CCDC174: variants seen among roughly 807,000 people sequenced by gnomAD.
CCDC174 encodes coiled-coil domain containing 174.
A neutral mutation model predicts 57.1 loss-of-function variants in CCDC174; 37 were observed. That is an observed-to-expected ratio of 0.65 (90% CI 0.50 to 0.85). The LOEUF is 0.85. CCDC174 is among the 40% of genes least tolerant of loss of function. The pLI is 0.00. For missense variants in CCDC174, 540 were observed against 574.3 expected (o/e 0.94, Z 0.61); for synonymous variants, 182 against 190.2 (o/e 0.96, Z 0.35).
intron 4 of CCDC174, among the ~76,000 whole-genome samples, chr3:14,660,152 T>C (rs2031081911): frequency 6.6e-6 from 1 of 152,390 alleles, no homozygotes; most frequent in East Asian, 1.9e-4. Flanking sequence ...CTCACTAGCC[T>C]ATGGCCTTAT....
At chr3:14,666,259 A>G (rs57645464) in intron 6 of CCDC174, among the ~76,000 whole-genome samples, 177 of 152,166 alleles carry the variant, frequency 1.2e-3, no homozygotes, top group African/African-American at 3.6e-3. Flanking sequence ...GTGGAAGGAA[A>G]GTTTTTTGTC....
chr3:14,662,051 C>T (rs1459320616), intron 5 of CCDC174, among the ~76,000 whole-genome samples: 1 of 152,218 alleles, frequency 6.6e-6, no homozygotes, highest in Non-Finnish European at 1.5e-5. Context: ...GAGCGCCTTC[C>T]TTTTGTACCT....
chr3:14,661,441 G>A (rs1421197032), intron 4 of CCDC174, 89 bp from the exon 5 acceptor site: 2 of 1,117,640 alleles, frequency 1.8e-6, no homozygotes, highest in Non-Finnish European at 2.6e-6. Flanking sequence ...GGGGTGATGG[G>A]GCCACCAGGC....
At chr3:14,664,757 C>T (rs993865127) in intron 5 of CCDC174, among the ~76,000 whole-genome samples, 10 of 152,152 alleles carry the variant, frequency 6.6e-5, no homozygotes, top group Non-Finnish European at 8.8e-5. Flanking sequence ...AGCAAAATTC[C>T]GTGTGGGTGA....
At position 14,669,940 on chromosome 3, in the gene CCDC174, A is replaced by T; in HGVS notation, c.959A>T (p.Asp320Val). The T allele has an allele frequency of 1.2e-6, 2 of 1,613,594 alleles. No homozygotes were observed. Among genetic ancestry groups the T allele is most frequent in the Non-Finnish European group, 1.7e-6 (2 of 1,179,856 alleles). Residue 320 changes from aspartate to valine, a missense_variant, in exon 10 of 11, where the codon GAT (aspartate) becomes GTT (valine). Transcript: ENST00000383794. Reference protein sequence around the residue: ...GGTEEENRDGDVIGPLPPEPE... With the variant: ...GGTEEENRDGVVIGPLPPEPE... ...ATTCTTTTACAAAAAATAGATGGAG[A>T]TGTTATTGGGCCTTTGCCACCGGAG...
intron 5 of CCDC174, chr3:14,661,945 C>T (rs1202402452): frequency 2.3e-6 from 1 of 429,042 alleles, no homozygotes; most frequent in African/African-American, 2.0e-5. Flanking sequence ...ACTGACTGGG[C>T]TTCTGCTGTG....
intron 1 of CCDC174, among the ~76,000 whole-genome samples, chr3:14,652,084 T>C (rs921570909): frequency 6.6e-6 from 1 of 152,176 alleles, no homozygotes; most frequent in African/African-American, 2.4e-5. Flanking sequence ...TACTCTCCTC[T>C]GACATGCGCC....
At chr3:14,669,384 T>A (rs2031446519) in intron 9 of CCDC174, among the ~76,000 whole-genome samples, 1 of 152,200 alleles carries the variant, frequency 6.6e-6, no homozygotes, top group South Asian at 2.1e-4. Flanking sequence ...TTTTGCTCCA[T>A]CTCCTGAACA....
Position 14,652,204 on chromosome 3 carries a change from C to T in CCDC174, c.42+326C>T, listed in dbSNP as rs1392495884. 3.0e-4 allele frequency among the ~76,000 whole-genome samples: 45 copies of T among 152,158 alleles called. 1 individual carries two copies. Among genetic ancestry groups the T allele is most frequent in the Admixed American group, 2.9e-3 (45 of 15,286 alleles). The stretch of plus-strand genomic sequence containing the variant: ...GGACCTGCACCTCGTCAGCCTTCTC[C>T]CTTACAGTCAGGAGGAACCCTAGCT... On this transcript the variant is annotated intron_variant, in intron 1 of 10. Transcript: ENST00000383794.
At chr3:14,652,644 G>A (rs2030812345) in intron 1 of CCDC174, among the ~76,000 whole-genome samples, 1 of 152,150 alleles carries the variant, frequency 6.6e-6, no homozygotes, top group Non-Finnish European at 1.5e-5. Flanking sequence ...ACTCACGCCT[G>A]TAATCCCAAC....
chr3:14,652,365 C>G (rs920794127), intron 1 of CCDC174, among the ~76,000 whole-genome samples: 6 of 152,162 alleles, frequency 3.9e-5, no homozygotes, highest in Non-Finnish European at 8.8e-5. Context: ...TGGAACTAAA[C>G]AGTTGTTAAT....
chr3:14,662,721 A>T (rs555393451), intron 5 of CCDC174, among the ~76,000 whole-genome samples: 49 of 152,240 alleles, frequency 3.2e-4, no homozygotes, highest in Admixed American at 2.5e-3. Flanking sequence ...TTTGTTAGGA[A>T]CTGCTCAGGA....
Position 14,671,063 on chromosome 3 carries a change from C to G in CCDC174, c.1273C>G (p.Pro425Ala), listed in dbSNP as rs1191929064. Residue 425 changes from proline to alanine, a missense_variant, in exon 11 of 11, where the codon CCT (proline) becomes GCT (alanine). Physicochemically the swap from Pro to Ala is conservative, Grantham distance 27 (BLOSUM62 -1). Transcript: ENST00000383794. ...AGCACAGAGTGACCCAGGGCAGTGC[C>G]CTGACCAGAGCCACGGACCTAGCCC... The part of the protein sequence containing the change: ...GPAQSDPGQC[P>A]DQSHGPSPEH... 6.2e-7 allele frequency: 1 copy of G among 1,614,118 alleles called. No individual in the cohort carries two copies. Among genetic ancestry groups the G allele is most frequent in the Non-Finnish European group, 8.5e-7 (1 of 1,180,018 alleles).
In CCDC174 at chr3:14,670,926, A is replaced by G. The variant is rs764888606; in HGVS notation, c.1136A>G (p.Gln379Arg). 10 of 1,611,950 alleles carry G rather than the reference A, an allele frequency of 6.2e-6. No individual in the cohort carries two copies. The highest frequency in any genetic ancestry group is 8.5e-6 in the Non-Finnish European group (10 of 1,178,264). ...TCCTTTGGATACTGGTCGAAGAGGC[A>G]GTCAGATCTCCGGGCTGAGAGAGAT... ...EFSFGYWSKRQSDLRAERDPE... is the reference protein window; with the variant it reads ...EFSFGYWSKRRSDLRAERDPE... Residue 379 changes from glutamine (Q) to arginine (R), a missense_variant, in exon 11 of 11, where the codon CAG becomes CGG. Coordinates refer to ENST00000383794, the MANE Select transcript of CCDC174 (RefSeq NM_016474.5).
intron 1 of CCDC174, among the ~76,000 whole-genome samples, chr3:14,653,917 T>C (rs1446332057): frequency 6.6e-6 from 1 of 152,224 alleles, no homozygotes; most frequent in African/African-American, 2.4e-5. Flanking sequence ...TCTAGAGTCA[T>C]TTGTTTTATT....
chr3:14,661,632 C>A lies in CCDC174; in HGVS notation c.410C>A (p.Ala137Glu). 1 of 1,614,144 alleles carries A rather than the reference C, an allele frequency of 6.2e-7. No homozygotes were observed. Among genetic ancestry groups the A allele is most frequent in the Non-Finnish European group, 8.5e-7 (1 of 1,180,014 alleles). Residue 137 changes from alanine to glutamate, a missense_variant, in exon 5 of 11, where the codon GCA becomes GAA. Transcript: ENST00000383794. The part of the protein sequence containing the change: ...ASGAHRDSQK[A>E]GERDDDEENL... Reference sequence around the variant, plus strand: ...GGTGCCCATAGAGATTCTCAAAAGGCAGGAGAAAGGGACGACGATGAGGAA... The same window carrying A: ...GGTGCCCATAGAGATTCTCAAAAGGAAGGAGAAAGGGACGACGATGAGGAA...
At chr3:14,653,464 C>G (rs1287882141) in intron 1 of CCDC174, among the ~76,000 whole-genome samples, 2 of 152,182 alleles carry the variant, frequency 1.3e-5, no homozygotes, top group Non-Finnish European at 2.9e-5. Context: ...TTGAACCCAG[C>G]CATTTTTATC....
rs142816619 is a variant in CCDC174, at chr3:14,661,587, G to T, written c.365G>T (p.Arg122Leu). 1.9e-6 allele frequency: 3 copies of T among 1,614,140 alleles called. No homozygotes were observed. The highest frequency in any genetic ancestry group is 2.5e-6 in the Non-Finnish European group (3 of 1,179,960). ...VDFTQKIIDK[R>L]KEMEASGAHR... ...TTCACACAGAAGATCATAGACAAGCGCAAAGAAATGGAGGCATCTGGTGCC... is the reference window on the plus strand; with the variant it reads ...TTCACACAGAAGATCATAGACAAGCTCAAAGAAATGGAGGCATCTGGTGCC... Residue 122 changes from arginine (R) to leucine (L), a missense_variant, in exon 5 of 11, where the codon CGC becomes CTC. Transcript: ENST00000383794.
chr3:14,654,893 C>G (rs1284664537), intron 2 of CCDC174, among the ~76,000 whole-genome samples: 1 of 152,122 alleles, frequency 6.6e-6, no homozygotes, highest in African/African-American at 2.4e-5. Context: ...GTGAATTTTT[C>G]CAGTTTTATA....
Sources: gnomAD v4.1 joint callset for allele counts (sites outside exome capture counted in the v4.1 genomes callset) on GRCh38, gnomAD v4.1.1 for gene constraint, MANE v1.5 for transcripts, NCBI Gene and HGNC (gene_info 2026-07-23, HGNC 2026-07-21) for gene names.